HNRNPC: variants seen among roughly 807,000 people sequenced by gnomAD.
HNRNPC encodes heterogeneous nuclear ribonucleoproteins C1/C2.
Under a neutral mutation model 33.2 loss-of-function variants are expected in HNRNPC, and 3 were observed. The ratio of observed to expected loss-of-function variants is 0.09; its 90% CI spans 0.04 to 0.23. HNRNPC has a LOEUF of 0.23. Among genes scored for constraint, HNRNPC ranks in the 10% least tolerant of loss-of-function variants. HNRNPC has a pLI of 1.00. For synonymous variants in HNRNPC, 121 were observed against 126.7 expected (o/e 0.96, Z 0.30); for missense variants, 143 against 366.7 (o/e 0.39, Z 4.98).
chr14:21,247,181 C>T (rs1465460319), intron 2 of HNRNPC, among the ~76,000 whole-genome samples: 1 of 152,152 alleles, frequency 6.6e-6, no homozygotes, highest in Non-Finnish European at 1.5e-5. Flanking sequence ...TATGTTTTGA[C>T]AACTCTTGTT....
chr14:21,249,597 A>ACAAAAC (rs1555358488), intron 2 of HNRNPC, among the ~76,000 whole-genome samples: 1 of 131,238 alleles, frequency 7.6e-6, no homozygotes, highest in Admixed American at 7.2e-5. Context: ...CAAAAACAAA[A>ACAAAAC]AAAAAAAAAA....
intron 5 of HNRNPC, among the ~76,000 whole-genome samples, chr14:21,219,779 C>A (rs545483521): frequency 6.6e-6 from 1 of 152,186 alleles, no homozygotes; most frequent in Non-Finnish European, 1.5e-5. Context: ...ACCATATAAA[C>A]AACTGCTTAC....
intron 5 of HNRNPC, among the ~76,000 whole-genome samples, chr14:21,224,438 A>AC (rs1214821340): frequency 2.0e-5 from 3 of 151,786 alleles, no homozygotes; most frequent in Admixed American, 6.6e-5. Context: ...ACTCTGTGAA[A>AC]CCCCCCTTCA....
intron 5 of HNRNPC, chr14:21,213,494 T>C (rs1174950197): frequency 5.6e-6 from 1 of 179,692 alleles, no homozygotes; most frequent in Non-Finnish European, 1.2e-5. Context: ...TACATTACAA[T>C]AAACAATTCA....
chr14:21,249,501 T>C (rs1341879824), intron 2 of HNRNPC, among the ~76,000 whole-genome samples: 1 of 149,412 alleles, frequency 6.7e-6, no homozygotes, highest in Non-Finnish European at 1.5e-5. Context: ...GCTAGAGAAT[T>C]GCTTGAACCG....
intron 2 of HNRNPC, among the ~76,000 whole-genome samples, chr14:21,257,458 A>C (rs565635134): frequency 2.0e-5 from 3 of 152,148 alleles, no homozygotes; most frequent in Admixed American, 6.5e-5. Flanking sequence ...TGAGGATTGA[A>C]AAAGGACCCC....
At chr14:21,240,719 A>G (rs996946238) in intron 2 of HNRNPC, among the ~76,000 whole-genome samples, 2 of 152,200 alleles carry the variant, frequency 1.3e-5, no homozygotes, top group African/African-American at 2.4e-5. Flanking sequence ...TATTTAGTGC[A>G]AAAGTATACA....
intron 6 of HNRNPC, among the ~76,000 whole-genome samples, chr14:21,212,630 C>A (rs1891741129): frequency 6.6e-6 from 1 of 151,940 alleles, no homozygotes; most frequent in Non-Finnish European, 1.5e-5. Context: ...GCAACCTCCG[C>A]CTCCTGGGTA....
At chr14:21,261,675 C>T (rs1200137075) in intron 2 of HNRNPC, among the ~76,000 whole-genome samples, 1 of 152,102 alleles carries the variant, frequency 6.6e-6, no homozygotes, top group Non-Finnish European at 1.5e-5. Flanking sequence ...GCAGGAGGAT[C>T]GCTTGAGCCC....
chr14:21,222,520 CTT>C (rs1892939196), intron 5 of HNRNPC, among the ~76,000 whole-genome samples: 2 of 152,082 alleles, frequency 1.3e-5, no homozygotes, highest in Admixed American at 6.6e-5. Context: ...ATCAGTACTT[CTT>C]TCATTTTATG....
At chr14:21,225,138 A>G (rs1413977764) in intron 5 of HNRNPC, among the ~76,000 whole-genome samples, 2 of 152,030 alleles carry the variant, frequency 1.3e-5, no homozygotes, top group Admixed American at 1.3e-4. Flanking sequence ...AGAATTAAAG[A>G]GGCCAGGAAC....
chr14:21,240,111 G>A (rs1452164439), intron 2 of HNRNPC, among the ~76,000 whole-genome samples: 1 of 152,182 alleles, frequency 6.6e-6, no homozygotes, highest in South Asian at 2.1e-4. Flanking sequence ...ATGCTTGTCT[G>A]TTTTATCATA....
chr14:21,219,096 G>C (rs72675012), intron 5 of HNRNPC, among the ~76,000 whole-genome samples: 1 of 134,276 alleles, frequency 7.4e-6, no homozygotes, highest in South Asian at 2.3e-4. Context: ...GGAACAGAGC[G>C]AGACTCTTTC....
At position 21,233,944 on chromosome 14, in the gene HNRNPC, T is replaced by C; in HGVS notation, c.241+9A>G. On this transcript the variant is annotated intron_variant, in intron 3 of 8. Transcript: ENST00000553300. The stretch of plus-strand genomic sequence containing the variant: ...CTGAATTACATCATCAATGAAAAAA[T>C]TCACTTACCTAAAACCTGGCCAGCA... 6.2e-7 allele frequency: 1 copy of C among 1,608,750 alleles called. No homozygotes were observed. Among genetic ancestry groups the C allele is most frequent in the South Asian group, 1.1e-5 (1 of 90,106 alleles).
In HNRNPC at chr14:21,211,202, T is replaced by C; in HGVS notation, c.*21A>G. On this transcript the variant is annotated 3_prime_UTR_variant, in exon 9 of 9. Coordinates refer to ENST00000553300, the MANE Select transcript of HNRNPC (RefSeq NM_004500.4). Reference sequence around the variant, plus strand: ...TAGGTAAAGAAATAATGGGATAAGATTTCTAAACCCCACTATGTGCTTAAG... The same window carrying C: ...TAGGTAAAGAAATAATGGGATAAGACTTCTAAACCCCACTATGTGCTTAAG... 1 of 1,610,456 alleles carries C rather than the reference T, an allele frequency of 6.2e-7. No homozygotes were observed. Among genetic ancestry groups the C allele is most frequent in the East Asian group, 2.2e-5 (1 of 44,844 alleles).
intron 5 of HNRNPC, among the ~76,000 whole-genome samples, chr14:21,222,856 T>A (rs1455785141): frequency 6.6e-6 from 1 of 152,012 alleles, no homozygotes; most frequent in Non-Finnish European, 1.5e-5. Context: ...ATCACGCCAC[T>A]GCACTCCAGC....
chr14:21,246,085 A>G (rs1195356189), intron 2 of HNRNPC, among the ~76,000 whole-genome samples: 1 of 152,044 alleles, frequency 6.6e-6, no homozygotes, highest in African/African-American at 2.4e-5. Flanking sequence ...CGGCCTCCCA[A>G]ATTGCTGGGA....
intron 2 of HNRNPC, among the ~76,000 whole-genome samples, chr14:21,246,943 G>T (rs926612059): frequency 1.3e-5 from 2 of 152,054 alleles, no homozygotes; most frequent in East Asian, 1.9e-4. Context: ...TCACTTTCTT[G>T]TAAGAATACA....
At chr14:21,249,962 A>C (rs776159317) in intron 2 of HNRNPC, among the ~76,000 whole-genome samples, 2 of 152,242 alleles carry the variant, frequency 1.3e-5, no homozygotes, top group African/African-American at 2.4e-5. Context: ...CTGAGAACTG[A>C]ATCAAGAGAA....
Sources: gnomAD v4.1 joint callset for allele counts (sites outside exome capture counted in the v4.1 genomes callset) on GRCh38, gnomAD v4.1.1 for gene constraint, MANE v1.5 for transcripts, NCBI Gene and HGNC (gene_info 2026-07-23, HGNC 2026-07-21) for gene names.